The following RAP1GDS1 variants were observed in gnomAD, a reference collection of about 807,000 sequenced individuals.
RAP1GDS1 encodes RAP1, GTP-GDP dissociation stimulator 1.
RAP1GDS1 carries 35 observed loss-of-function variants against 71.1 expected under a neutral mutation model. That is an observed-to-expected ratio of 0.49 (90% CI 0.38 to 0.65). The LOEUF (loss-of-function observed/expected upper bound fraction) is 0.65. Among genes scored for constraint, RAP1GDS1 ranks in the 30% least tolerant of loss-of-function variants. The probability of loss-of-function intolerance (pLI) is 0.00; values close to 1 mark genes in which losing one functional copy is unlikely to be tolerated. For missense variants in RAP1GDS1, 663 were observed against 706.1 expected (o/e 0.94, Z 0.69); for synonymous variants, 229 against 243.1 (o/e 0.94, Z 0.54).
At chr4:98,441,724 G>A in intron 14 of RAP1GDS1, 1 of 681,976 alleles carries the variant, frequency 1.5e-6, no homozygotes, top group Non-Finnish European at 1.8e-6. Flanking sequence ...CTGTGACCAT[G>A]CCACTGTACT....
chr4:98,317,937 G>C (rs1418823858), intron 2 of RAP1GDS1, among the ~76,000 whole-genome samples: 2 of 151,068 alleles, frequency 1.3e-5, no homozygotes, highest in Non-Finnish European at 2.9e-5. Context: ...CTGCCTCCTG[G>C]GTTCAACTGA....
At chr4:98,284,742 C>T (rs1217373785) in intron 1 of RAP1GDS1, among the ~76,000 whole-genome samples, 2 of 152,104 alleles carry the variant, frequency 1.3e-5, no homozygotes, top group African/African-American at 4.8e-5. Context: ...GTTGGAATAC[C>T]AGCCTGCTTG....
intron 4 of RAP1GDS1, among the ~76,000 whole-genome samples, chr4:98,378,332 C>T (rs75258004): frequency 2.6e-3 from 396 of 151,932 alleles, no homozygotes; most frequent in African/African-American, 9.2e-3. Flanking sequence ...TTGACCATCA[C>T]TTGACCACTT....
intron 12 of RAP1GDS1, among the ~76,000 whole-genome samples, chr4:98,424,746 GCAAGACTCC>G (rs201482934): frequency 0.075 from 10,816 of 144,394 alleles, 445 homozygotes; most frequent in Admixed American, 0.14. Flanking sequence ...GGGTGACAGA[GCAAGACTCC>G]CAAGACTCTG....
At chr4:98,375,004 A>G (rs1458487657) in intron 4 of RAP1GDS1, among the ~76,000 whole-genome samples, 1 of 152,212 alleles carries the variant, frequency 6.6e-6, no homozygotes, top group Non-Finnish European at 1.5e-5. Context: ...ATTCTATTAT[A>G]TGGAGTGGTG....
At chr4:98,280,300 T>C (rs1001881800) in intron 1 of RAP1GDS1, among the ~76,000 whole-genome samples, 13 of 152,216 alleles carry the variant, frequency 8.5e-5, no homozygotes, top group African/African-American at 1.2e-4. Context: ...TGATCGCCAT[T>C]CTAACTGGTG....
chr4:98,342,261 G>A (rs2110395062), intron 2 of RAP1GDS1, among the ~76,000 whole-genome samples: 1 of 152,148 alleles, frequency 6.6e-6, no homozygotes, highest in East Asian at 1.9e-4. Flanking sequence ...TCTATTATTT[G>A]TATGTATATC....
chr4:98,310,408 C>T (rs1730033591), intron 2 of RAP1GDS1, among the ~76,000 whole-genome samples: 1 of 152,036 alleles, frequency 6.6e-6, no homozygotes, highest in Admixed American at 6.5e-5. Context: ...AGTGGGACTA[C>T]ATATTTACTG....
chr4:98,266,119 A>G (rs1252995258), intron 1 of RAP1GDS1, among the ~76,000 whole-genome samples: 1 of 152,166 alleles, frequency 6.6e-6, no homozygotes, highest in Non-Finnish European at 1.5e-5. Flanking sequence ...TAATTTACAA[A>G]TTAAAAAAAT....
At chr4:98,285,848 T>A (rs1298324783) in intron 1 of RAP1GDS1, among the ~76,000 whole-genome samples, 1 of 147,214 alleles carries the variant, frequency 6.8e-6, no homozygotes, top group East Asian at 1.9e-4. Context: ...TTATAAATAA[T>A]TTAAATAAAT....
At chr4:98,319,983 C>G (rs1236801972) in intron 2 of RAP1GDS1, among the ~76,000 whole-genome samples, 1 of 152,024 alleles carries the variant, frequency 6.6e-6, no homozygotes, top group Admixed American at 6.6e-5. Context: ...GTGCAAAGAC[C>G]GTGAGGATGA....
intron 1 of RAP1GDS1, among the ~76,000 whole-genome samples, chr4:98,285,872 TATAAATA>T (rs1440064538): frequency 3.4e-5 from 5 of 145,724 alleles, no homozygotes; most frequent in Non-Finnish European, 7.5e-5. Context: ...AAATTTAAAT[TATAAATA>T]ATAAATAATT....
At chr4:98,349,182 A>G (rs1241612968) in intron 3 of RAP1GDS1, among the ~76,000 whole-genome samples, 4 of 152,350 alleles carry the variant, frequency 2.6e-5, no homozygotes, top group South Asian at 4.1e-4. Context: ...AGCTTTCTAC[A>G]TATGGCTAAC....
chr4:98,266,708 T>G (rs1049094708), intron 1 of RAP1GDS1, among the ~76,000 whole-genome samples: 1 of 152,236 alleles, frequency 6.6e-6, no homozygotes, highest in Non-Finnish European at 1.5e-5. Flanking sequence ...ATATGTCTTT[T>G]TTCATATGGG....
chr4:98,442,094 CAG>C lies in RAP1GDS1; in HGVS notation c.1805_1806del (p.Arg602ThrfsTer18). On this transcript the variant is annotated frameshift_variant, in exon 15 of 15. Coordinates refer to ENST00000408927, the MANE Select transcript of RAP1GDS1 (RefSeq NM_001100427.2). LOFTEE classifies it high-confidence loss of function. ...SVAQQASLTE[Q>X]RLTVES ...TGCCCAGCAGGCCTCTCTCACAGAG[CAG>C]AGACTTACTGTGGAAAGCTGAGAAC... 1 of 1,613,684 alleles carries C rather than the reference CAG, an allele frequency of 6.2e-7. No homozygotes were observed.
At chr4:98,347,089 T>G (rs1284943287) in intron 3 of RAP1GDS1, among the ~76,000 whole-genome samples, 1 of 152,286 alleles carries the variant, frequency 6.6e-6, no homozygotes, top group African/African-American at 2.4e-5. Flanking sequence ...CTCAGTGTTT[T>G]TATTTGGCTT....
intron 1 of RAP1GDS1, among the ~76,000 whole-genome samples, chr4:98,269,810 C>T (rs1350182025): frequency 6.6e-6 from 1 of 152,052 alleles, no homozygotes; most frequent in Non-Finnish European, 1.5e-5. Flanking sequence ...ATTCCAAAAT[C>T]TGAATAATTT....
chr4:98,359,906 A>G (rs1318419565), intron 4 of RAP1GDS1, among the ~76,000 whole-genome samples: 2 of 152,238 alleles, frequency 1.3e-5, no homozygotes, highest in African/African-American at 2.4e-5. Flanking sequence ...AGTGAGAGAC[A>G]GTACTCAGAT....
intron 2 of RAP1GDS1, among the ~76,000 whole-genome samples, chr4:98,325,869 A>G (rs986109340): frequency 1.3e-5 from 2 of 151,420 alleles, no homozygotes. Flanking sequence ...ACATGTATAC[A>G]TATGTAACTA....
Sources: allele counts gnomAD v4.1 joint callset (sites outside exome capture counted in the v4.1 genomes callset), GRCh38; gene constraint gnomAD v4.1.1; transcripts MANE v1.5; gene names NCBI Gene and HGNC (gene_info 2026-07-23, HGNC 2026-07-21).